Variants in PTPRN2 observed in about 807,000 individuals in gnomAD.
PTPRN2 encodes the protein protein tyrosine phosphatase receptor type N2, also known as receptor-type tyrosine-protein phosphatase N2.
A neutral mutation model predicts 118.8 loss-of-function variants in PTPRN2; 74 were observed. The ratio of observed to expected loss-of-function variants is 0.62; its 90% CI spans 0.52 to 0.76. The LOEUF (loss-of-function observed/expected upper bound fraction) is 0.76, where lower values mean the gene tolerates loss of function less well. PTPRN2 is among the 30% of genes least tolerant of loss of function. The pLI is 0.00. For missense variants in PTPRN2, 1,481 were observed against 1,394.4 expected, an observed-to-expected ratio of 1.06 and a Z score of -0.99; for synonymous variants, 641 against 608.0, an observed-to-expected ratio of 1.05 and a Z score of -0.80.
intron 5 of PTPRN2, among the ~76,000 whole-genome samples, chr7:158,171,349 A>G (rs1823685363): frequency 9.9e-6 from 1 of 101,222 alleles, no homozygotes; most frequent in South Asian, 2.7e-4. Context: ...ATATATATAT[A>G]CACACACACA....
chr7:157,969,803 G>A (rs941158152), intron 11 of PTPRN2, among the ~76,000 whole-genome samples: 2 of 152,080 alleles, frequency 1.3e-5, no homozygotes, highest in African/African-American at 2.4e-5. Flanking sequence ...CAGGAGAAAG[G>A]CTGGAGTCAC....
intron 12 of PTPRN2, among the ~76,000 whole-genome samples, chr7:157,703,499 C>T (rs2150869848): frequency 6.6e-6 from 1 of 152,336 alleles, no homozygotes; most frequent in African/African-American, 2.4e-5. Context: ...TAAGATAAAA[C>T]ATGGTTGTGT....
intron 3 of PTPRN2, among the ~76,000 whole-genome samples, chr7:158,281,364 C>A (rs1251851148): frequency 6.6e-6 from 1 of 152,196 alleles, no homozygotes; most frequent in African/African-American, 2.4e-5. Context: ...TAGAGTCATA[C>A]ACATACTCCT....
intron 12 of PTPRN2, among the ~76,000 whole-genome samples, chr7:157,758,476 C>T (rs1801940595): frequency 6.6e-6 from 1 of 152,206 alleles, no homozygotes; most frequent in Non-Finnish European, 1.5e-5. Context: ...AGACCGTGGC[C>T]CCCGTGCAGC....
intron 11 of PTPRN2, among the ~76,000 whole-genome samples, chr7:157,946,948 C>A (rs1563264254): frequency 6.6e-6 from 1 of 152,176 alleles, no homozygotes; most frequent in Non-Finnish European, 1.5e-5. Flanking sequence ...TCAGGGGTCT[C>A]TATCCATTGA....
rs1368675019 is a variant in PTPRN2 at position 157,656,483 on chromosome 7, G to C, written c.2070C>G (p.Ile690Met). 1 of 1,554,898 alleles carries C rather than the reference G, an allele frequency of 6.4e-7. No homozygotes were observed. Among genetic ancestry groups the C allele is most frequent in the Non-Finnish European group, 8.7e-7 (1 of 1,153,120 alleles). Residue 690 changes from isoleucine (I) to methionine (M), a missense_variant, in exon 14 of 23, where the codon ATC becomes ATG. This residue lies in a region of PTPRN2 where 1,115 missense variants were observed against 994.2 expected (regional missense o/e 1.12). Coordinates refer to ENST00000389418, the MANE Select transcript of PTPRN2 (RefSeq NM_002847.5). ...DRPEGPHTSR[I>M]SSVSSQFSDG... ...CGCTGAACTGGGATGAGACGCTGCT[G>C]ATGCGTGACGTGTGCGGGCCCTCAG...
Position 158,587,679 on chromosome 7 carries a change from C to G in PTPRN2, c.-10G>C. 1 of 1,318,228 alleles carries G rather than the reference C, an allele frequency of 7.6e-7. No homozygotes were observed. The highest frequency in any genetic ancestry group is 9.6e-7 in the Non-Finnish European group (1 of 1,036,630). 81.7% of individuals were successfully genotyped at this position (1,318,228 alleles called of 1,614,324 possible). On this transcript the variant is annotated 5_prime_UTR_variant, in exon 1 of 23. Transcript: ENST00000389418. Reference sequence around the variant, plus strand: ...GGAGCGGCGGCCCCATCCCCGCGGCCTGGCCGGCGGCGCTCAGTCCATGGC... The same window carrying G: ...GGAGCGGCGGCCCCATCCCCGCGGCGTGGCCGGCGGCGCTCAGTCCATGGC...
intron 3 of PTPRN2, among the ~76,000 whole-genome samples, chr7:158,269,775 C>A (rs1798170849): frequency 6.6e-6 from 1 of 150,684 alleles, no homozygotes; most frequent in South Asian, 2.1e-4. Context: ...GGAACAGAGA[C>A]AGAGAGAGAG....
At chr7:157,878,557 G>A (rs1283935352) in intron 12 of PTPRN2, among the ~76,000 whole-genome samples, 19 of 133,258 alleles carry the variant, frequency 1.4e-4, no homozygotes, top group South Asian at 2.5e-4. Flanking sequence ...GTGTGATACC[G>A]TGCACCCACA....
intron 4 of PTPRN2, among the ~76,000 whole-genome samples, chr7:158,204,882 G>A (rs1031994211): frequency 2.6e-5 from 4 of 152,100 alleles, no homozygotes; most frequent in Non-Finnish European, 5.9e-5. Context: ...GAGAATTCTC[G>A]ACTTATCTGC....
intron 11 of PTPRN2, among the ~76,000 whole-genome samples, chr7:157,910,528 C>T (rs772398065): frequency 6.6e-6 from 1 of 151,978 alleles, no homozygotes; most frequent in African/African-American, 2.4e-5. Context: ...TCCAGGATCA[C>T]GCACGTACGC....
At position 158,481,366 on chromosome 7, in the gene PTPRN2, G is replaced by A. The variant is rs756872839; in HGVS notation, c.163+8369C>T. Among the ~76,000 whole-genome samples the A allele has an allele frequency of 2.6e-4, 39 of 152,368 alleles. No homozygotes were observed. The Middle Eastern group carries it at 0.01, about 40-fold the overall frequency. On this transcript the variant is annotated intron_variant, in intron 2 of 22. Transcript: ENST00000389418. ...GCAGTGCACCAGTCACCCAAGAGCT[G>A]TGATGCAGCTGTACAAGGAGGTGGG...
chr7:157,714,675 A>G (rs866119328), intron 12 of PTPRN2, among the ~76,000 whole-genome samples: 5 of 152,342 alleles, frequency 3.3e-5, no homozygotes, highest in Middle Eastern at 3.4e-3. Context: ...GAAGTCAGGG[A>G]TCCCTGGGGA....
Position 157,868,439 on chromosome 7 carries a change from A to G in PTPRN2, c.1788+30234T>C, listed in dbSNP as rs1412427419. On this transcript the variant is annotated intron_variant, in intron 12 of 22. Transcript: ENST00000389418. This position sits in a 1 kb window ranked among gnomAD's most constrained non-coding sequence, Gnocchi z 5.2. ...GTAGGAAAGCAGACCCAGCCTCTGG[A>G]TTAAAACCATGCCTGGAGGAAACTG... The G allele has an allele frequency of 6.6e-6, 1 of 152,286 alleles. No individual in the cohort carries two copies. 9.4% of individuals were successfully genotyped at this position (152,286 alleles called of 1,614,324 possible).
At chr7:157,791,197 T>C (rs1585477628) in intron 12 of PTPRN2, among the ~76,000 whole-genome samples, 1 of 152,296 alleles carries the variant, frequency 6.6e-6, no homozygotes, top group East Asian at 1.9e-4. Context: ...TATTTAAATA[T>C]TTTATGTGAC....
At chr7:158,417,756 T>TCTAG (rs200228091) in intron 2 of PTPRN2, among the ~76,000 whole-genome samples, 369 of 1,686 alleles carry the variant, frequency 0.22, 173 homozygotes, top group African/African-American at 0.5. Context: ...ATCGAGATGC[T>TCTAG]CTCTCAGTGT....
intron 12 of PTPRN2, among the ~76,000 whole-genome samples, chr7:157,719,506 T>G (rs1451998954): frequency 1.3e-5 from 2 of 152,240 alleles, no homozygotes; most frequent in Non-Finnish European, 2.9e-5. Flanking sequence ...CCTTTGCACA[T>G]CCCGGCCTCC....
chr7:158,120,413 A>T (rs1401838502), intron 9 of PTPRN2, among the ~76,000 whole-genome samples: 1 of 152,174 alleles, frequency 6.6e-6, no homozygotes, highest in Non-Finnish European at 1.5e-5. Context: ...AAGCACCATG[A>T]CGTGTGGCTG....
chr7:157,668,143 G>A (rs1428153516), intron 13 of PTPRN2, among the ~76,000 whole-genome samples: 2 of 152,240 alleles, frequency 1.3e-5, no homozygotes, highest in South Asian at 4.1e-4. Flanking sequence ...CGGGGCCCTG[G>A]GCGTGTCCGC....
Sources: allele counts gnomAD v4.1 joint callset (sites outside exome capture counted in the v4.1 genomes callset), GRCh38; gene constraint gnomAD v4.1.1; regional missense constraint gnomAD v4.1.1; non-coding constraint Gnocchi (gnomAD v3.1); transcripts MANE v1.5; gene names NCBI Gene and HGNC (gene_info 2026-07-23, HGNC 2026-07-21).